ETV7: variants seen among roughly 807,000 people sequenced by gnomAD.
The protein encoded by ETV7 is transcription factor ETV7.
A neutral mutation model predicts 39.1 loss-of-function variants in ETV7; 43 were observed. The observed-to-expected ratio is 1.10, with a 90% CI of 0.86 to 1.42. The LOEUF (loss-of-function observed/expected upper bound fraction) is 1.42, where lower values mean the gene tolerates loss of function less well. ETV7 is among the 40% of genes most tolerant of loss of function. The probability of loss-of-function intolerance (pLI) is 0.00; values close to 1 mark genes in which losing one functional copy is unlikely to be tolerated. For synonymous variants in ETV7, 196 were observed against 176.6 expected (o/e 1.11, Z -0.87); for missense variants, 432 against 442.3 (o/e 0.98, Z 0.21).
At chr6:36,378,215 G>C (rs1364684205) in intron 2 of ETV7, among the ~76,000 whole-genome samples, 2 of 147,376 alleles carry the variant, frequency 1.4e-5, no homozygotes, top group Admixed American at 1.4e-4. Context: ...TTAATTCAGA[G>C]GGAAAGGATA....
chr6:36,357,283 A>AG (rs2127380067), intron 7 of ETV7, among the ~76,000 whole-genome samples: 1 of 152,314 alleles, frequency 6.6e-6, no homozygotes, highest in African/African-American at 2.4e-5. Context: ...TGCAGCCTTA[A>AG]GTAGGAGAAC....
At chr6:36,376,513 C>T (rs1019514497) in intron 2 of ETV7, among the ~76,000 whole-genome samples, 5 of 152,172 alleles carry the variant, frequency 3.3e-5, no homozygotes, top group African/African-American at 4.8e-5. Context: ...CGCGGTGGCT[C>T]ATGCCTGTAA....
downstream of ETV7, among the ~76,000 whole-genome samples, chr6:36,362,250 C>T (rs956457285): frequency 4.0e-5 from 6 of 151,378 alleles, no homozygotes; most frequent in Admixed American, 4.0e-4. Context: ...TGCAGCGAGC[C>T]GAGATCGCGC....
At chr6:36,355,505 G>A (rs184119818) in intron 7 of ETV7, among the ~76,000 whole-genome samples, 76 of 151,990 alleles carry the variant, frequency 5.0e-4, no homozygotes, top group African/African-American at 1.5e-3. Flanking sequence ...TCTGCCTCTC[G>A]GGTTCAAGTG....
downstream of ETV7, among the ~76,000 whole-genome samples, chr6:36,363,270 T>G (rs1378642860): frequency 6.6e-6 from 1 of 151,914 alleles, no homozygotes; most frequent in Admixed American, 6.6e-5. Context: ...GTTCAGAGTT[T>G]CTTCCTTCTG....
At chr6:36,369,205 C>A in intron 5 of ETV7, 134 bp from the exon 6 acceptor site, 2 of 953,710 alleles carry the variant, frequency 2.1e-6, no homozygotes, top group Middle Eastern at 3.3e-4. Flanking sequence ...ATGATGATAT[C>A]AACAGAAACA....
intron 7 of ETV7, among the ~76,000 whole-genome samples, chr6:36,357,665 T>C (rs1772376243): frequency 6.6e-6 from 1 of 151,850 alleles, no homozygotes; most frequent in Admixed American, 6.6e-5. Context: ...TCACCTGAGG[T>C]CAGAAGTTCG....
At chr6:36,364,711 G>A (rs1489394330), downstream of ETV7, among the ~76,000 whole-genome samples, 2 of 152,184 alleles carry the variant, frequency 1.3e-5, no homozygotes, top group African/African-American at 4.8e-5. Context: ...GGCTCCTCAA[G>A]TGCCGCCAAA....
At position 36,371,477 on chromosome 6, in the gene ETV7, G is replaced by A; in HGVS notation, c.517C>T (p.His173Tyr). ...PDPGLTSNFG[H>Y]LDDPGLARWT... Reference sequence around the variant, plus strand: ...CTTGCCAGGCCAGGGTCATCCAGGTGGCCGAAGTTGCTGGTAAGCCCTGGG... The same window carrying A: ...CTTGCCAGGCCAGGGTCATCCAGGTAGCCGAAGTTGCTGGTAAGCCCTGGG... The change falls in exon 5 of 8, where the codon CAC (histidine) becomes TAC (tyrosine). Residue 173 changes from histidine (H) to tyrosine (Y), a missense_variant. His to Tyr is a moderately conservative substitution (Grantham distance 83). Coordinates refer to ENST00000340181, the MANE Select transcript of ETV7 (RefSeq NM_016135.4). 1 of 1,604,018 alleles carries A rather than the reference G, an allele frequency of 6.2e-7. No individual in the cohort carries two copies. The highest frequency in any genetic ancestry group is 8.5e-7 in the Non-Finnish European group (1 of 1,175,136).
intron 2 of ETV7, among the ~76,000 whole-genome samples, chr6:36,379,668 G>A (rs1773556707): frequency 6.6e-6 from 1 of 151,804 alleles, no homozygotes; most frequent in Non-Finnish European, 1.5e-5. Flanking sequence ...ATAAGGTCAG[G>A]AGTTTGAGAC....
At chr6:36,387,095 G>T (rs1165815267) in intron 1 of ETV7, among the ~76,000 whole-genome samples, 1 of 152,184 alleles carries the variant, frequency 6.6e-6, no homozygotes, top group Non-Finnish European at 1.5e-5. Context: ...GGAGTGGGAC[G>T]GGGCGCCAGC....
At chr6:36,382,890 G>C (rs1269981779) in intron 2 of ETV7, among the ~76,000 whole-genome samples, 1 of 152,212 alleles carries the variant, frequency 6.6e-6, no homozygotes, top group Non-Finnish European at 1.5e-5. Context: ...GGGAAAAGAA[G>C]AGACGCAGGA....
downstream of ETV7, among the ~76,000 whole-genome samples, chr6:36,365,140 A>G (rs1473950861): frequency 1.3e-5 from 2 of 152,170 alleles, no homozygotes; most frequent in East Asian, 3.9e-4. Flanking sequence ...GAGAAAGAAG[A>G]TATGAATCCG....
intron 2 of ETV7, among the ~76,000 whole-genome samples, chr6:36,379,096 C>CAGAT (rs1773519735): frequency 6.6e-6 from 1 of 152,242 alleles, no homozygotes; most frequent in African/African-American, 2.4e-5. Flanking sequence ...ACACGATGGG[C>CAGAT]AGATTCCTGA....
At chr6:36,364,135 TC>T (rs1772626690), downstream of ETV7, among the ~76,000 whole-genome samples, 1 of 152,226 alleles carries the variant, frequency 6.6e-6, no homozygotes, top group Non-Finnish European at 1.5e-5. Flanking sequence ...GTTTTCCACC[TC>T]CCCACCAGAC....
downstream of ETV7, among the ~76,000 whole-genome samples, chr6:36,362,676 T>TC (rs575017762): frequency 1.4e-3 from 216 of 152,282 alleles, no homozygotes; most frequent in African/African-American, 4.7e-3. Context: ...CGGCCTGATC[T>TC]CCCTGGGGAG....
Position 36,371,399 on chromosome 6 carries a change from C to T in ETV7, c.595G>A (p.Gly199Ser), listed in dbSNP as rs34306145. ...SLNLCHCAEL[G>S]CRTQGVCSFP... ...GAACAGACCCCCTGGGTCCTGCAGC[C>T]GAGCTCTGCACAGTGACATAAGTTG... The change falls in exon 5 of 8, where the codon GGC becomes AGC. Residue 199 changes from glycine to serine, a missense_variant. Coordinates refer to ENST00000340181, the MANE Select transcript of ETV7 (RefSeq NM_016135.4). The T allele has an allele frequency of 1.9e-3, 3,039 of 1,602,780 alleles. 54 individuals carry two copies. In the African/African-American group the frequency reaches 0.036, roughly 19 times the overall value.
chr6:36,363,621 G>A (rs1431278357), downstream of ETV7, among the ~76,000 whole-genome samples: 2 of 152,396 alleles, frequency 1.3e-5, no homozygotes, highest in Non-Finnish European at 2.9e-5. Flanking sequence ...AGAACGGGTT[G>A]CCACTGCTAG....
At chr6:36,379,569 GAA>G (rs1773548422) in intron 2 of ETV7, among the ~76,000 whole-genome samples, 1 of 148,286 alleles carries the variant, frequency 6.7e-6, no homozygotes, top group African/African-American at 2.5e-5. Flanking sequence ...AAAAGAAGAA[GAA>G]GAAGAAGAAG....
Sources: gnomAD v4.1 joint callset for allele counts (sites outside exome capture counted in the v4.1 genomes callset) on GRCh38, gnomAD v4.1.1 for gene constraint, MANE v1.5 for transcripts, NCBI Gene and HGNC (gene_info 2026-07-23, HGNC 2026-07-21) for gene names.